GRM5: variants seen among roughly 807,000 people sequenced by gnomAD.
The protein encoded by GRM5 is glutamate metabotropic receptor 5, also known as metabotropic glutamate receptor 5.
A neutral mutation model predicts 83.1 loss-of-function variants in GRM5; 19 were observed. The observed-to-expected ratio is 0.23, with a 90% CI of 0.16 to 0.34. The LOEUF is 0.34. Among genes scored for constraint, GRM5 ranks in the 10% least tolerant of loss-of-function variants. The probability of loss-of-function intolerance (pLI) is 1.00; values close to 1 mark genes in which losing one functional copy is unlikely to be tolerated. For synonymous variants in GRM5, 675 were observed against 633.6 expected (o/e 1.07, Z -0.98); for missense variants, 1,160 against 1,588.3 (o/e 0.73, Z 4.58).
At chr11:88,704,275 G>A (rs1941102729) in intron 3 of GRM5, among the ~76,000 whole-genome samples, 2 of 152,122 alleles carry the variant, frequency 1.3e-5, no homozygotes, top group South Asian at 4.2e-4. Flanking sequence ...ATAATCCATA[G>A]CAGTACCTAT....
chr11:88,658,153 T>C (rs931809946), intron 3 of GRM5, among the ~76,000 whole-genome samples: 5 of 152,144 alleles, frequency 3.3e-5, no homozygotes, highest in Non-Finnish European at 7.4e-5. Flanking sequence ...TGGTGAATCC[T>C]ATCGTGAACT....
intron 3 of GRM5, among the ~76,000 whole-genome samples, chr11:88,678,259 A>G (rs1375892085): frequency 6.6e-6 from 1 of 151,882 alleles, no homozygotes; most frequent in Non-Finnish European, 1.5e-5. Context: ...GGGTCTTTCT[A>G]TGTTAGCCAG....
At position 88,735,880 on chromosome 11, in the gene GRM5, G is replaced by A. The variant is rs117475132; in HGVS notation, c.912-82477C>T. 7.4e-3 allele frequency among the ~76,000 whole-genome samples: 1,130 copies of A among 152,066 alleles called. 8 individuals are homozygous for A. Among genetic ancestry groups the A allele is most frequent in the African/African-American group, 0.012 (508 of 41,502 alleles). ...CCCAAGATCATGAAGTGGTGTACTCGTGTAATTGATAACCAAATTCAAAAG... is the reference window on the plus strand; with the variant it reads ...CCCAAGATCATGAAGTGGTGTACTCATGTAATTGATAACCAAATTCAAAAG... On this transcript the variant is annotated intron_variant, in intron 3 of 9. Transcript: ENST00000305447.
intron 2 of GRM5, among the ~76,000 whole-genome samples, chr11:88,973,377 A>G (rs1591009922): frequency 6.6e-6 from 1 of 152,154 alleles, no homozygotes; most frequent in South Asian, 2.1e-4. Flanking sequence ...GAGTAAGTTA[A>G]TGATTTTGAG....
intron 2 of GRM5, among the ~76,000 whole-genome samples, chr11:88,928,520 T>C (rs896591003): frequency 6.6e-6 from 1 of 151,050 alleles, no homozygotes; most frequent in African/African-American, 2.4e-5. Context: ...TATTAATTCA[T>C]AATGAGTGGT....
At chr11:88,884,098 A>G (rs1184232889) in intron 2 of GRM5, among the ~76,000 whole-genome samples, 1 of 152,100 alleles carries the variant, frequency 6.6e-6, no homozygotes, top group East Asian at 1.9e-4. Flanking sequence ...AGAATGGTAG[A>G]TACACCTATA....
chr11:88,573,194 T>C (rs1312853284), intron 7 of GRM5, among the ~76,000 whole-genome samples: 1 of 152,184 alleles, frequency 6.6e-6, no homozygotes, highest in East Asian at 1.9e-4. Context: ...TTTTCTTTTT[T>C]TAAAGAGGGA....
chr11:88,691,807 G>T (rs1444640685), intron 3 of GRM5, among the ~76,000 whole-genome samples: 3 of 152,082 alleles, frequency 2.0e-5, no homozygotes, highest in African/African-American at 7.2e-5. Context: ...TCTTAAACAG[G>T]AGTCTTTTCC....
chr11:88,840,011 T>C (rs1040328767), intron 3 of GRM5, among the ~76,000 whole-genome samples: 6 of 152,052 alleles, frequency 3.9e-5, no homozygotes, highest in Admixed American at 2.6e-4. Flanking sequence ...TGTAGGCTGA[T>C]GGGGAAGAGG....
chr11:88,646,565 A>G (rs1939456891), intron 4 of GRM5, among the ~76,000 whole-genome samples: 1 of 149,786 alleles, frequency 6.7e-6, no homozygotes, highest in South Asian at 2.1e-4. Context: ...ATACAACAGC[A>G]TTAGGATTTC....
chr11:88,835,829 TG>T (rs1200172235), intron 3 of GRM5, among the ~76,000 whole-genome samples: 2 of 152,250 alleles, frequency 1.3e-5, no homozygotes, highest in Non-Finnish European at 2.9e-5. Flanking sequence ...TAAATCACTT[TG>T]GGTTGAATGA....
chr11:88,911,835 T>C (rs1945504718), intron 2 of GRM5: 3 of 325,324 alleles, frequency 9.2e-6, no homozygotes, highest in South Asian at 7.6e-5. Flanking sequence ...ATTTGCCTTA[T>C]GCATTTGGCA....
intron 3 of GRM5, among the ~76,000 whole-genome samples, chr11:88,688,538 A>G (rs1940703012): frequency 6.6e-6 from 1 of 152,096 alleles, no homozygotes; most frequent in South Asian, 2.1e-4. Flanking sequence ...AATAAGGCCT[A>G]TTTGCTTTCT....
intron 2 of GRM5, among the ~76,000 whole-genome samples, chr11:88,995,922 T>A (rs912787460): frequency 6.6e-6 from 1 of 151,912 alleles, no homozygotes; most frequent in Non-Finnish European, 1.5e-5. Flanking sequence ...CCTGAATCCT[T>A]CATCCAAAGA....
At chr11:88,983,065 A>G (rs1939579728) in intron 2 of GRM5, among the ~76,000 whole-genome samples, 1 of 149,858 alleles carries the variant, frequency 6.7e-6, no homozygotes, top group African/African-American at 2.6e-5. Flanking sequence ...AAACTCCGTC[A>G]CACACACAAA....
intron 3 of GRM5, among the ~76,000 whole-genome samples, chr11:88,669,109 T>C (rs957838058): frequency 6.6e-6 from 1 of 152,186 alleles, no homozygotes; most frequent in Non-Finnish European, 1.5e-5. Context: ...TGCAGCATTG[T>C]TCACAACAAT....
At chr11:88,670,141 A>T (rs1320945483) in intron 3 of GRM5, among the ~76,000 whole-genome samples, 1 of 152,034 alleles carries the variant, frequency 6.6e-6, no homozygotes, top group Non-Finnish European at 1.5e-5. Context: ...CACTGCAAAG[A>T]AGTAGGAAAA....
At chr11:89,057,129 C>G (rs1591084124) in intron 1 of GRM5, among the ~76,000 whole-genome samples, 1 of 152,258 alleles carries the variant, frequency 6.6e-6, no homozygotes, top group East Asian at 1.9e-4. Context: ...AATCTCCACA[C>G]AAGCAAATCA....
chr11:88,984,884 C>T (rs201075403), intron 2 of GRM5: 84 of 654,494 alleles, frequency 1.3e-4, no homozygotes, highest in Non-Finnish European at 4.8e-5. Context: ...CCTGGCAAAT[C>T]ATGAAAATAA....
Sources: allele counts gnomAD v4.1 joint callset (sites outside exome capture counted in the v4.1 genomes callset), GRCh38; gene constraint gnomAD v4.1.1; transcripts MANE v1.5; gene names NCBI Gene and HGNC (gene_info 2026-07-23, HGNC 2026-07-21).